GRM8: variants seen among roughly 807,000 people sequenced by gnomAD.
GRM8 encodes the protein glutamate metabotropic receptor 8.
Under a neutral mutation model 87.2 loss-of-function variants are expected in GRM8, and 47 were observed. The observed-to-expected ratio is 0.54, with a 90% CI of 0.43 to 0.69. The LOEUF (loss-of-function observed/expected upper bound fraction) is 0.69, where lower values mean the gene tolerates loss of function less well. Among genes scored for constraint, GRM8 ranks in the 30% least tolerant of loss-of-function variants. The pLI, the probability that GRM8 is intolerant of heterozygous loss-of-function variation, is 0.00. For synonymous variants in GRM8, 396 were observed against 404.5 expected (o/e 0.98, Z 0.25); for missense variants, 1,019 against 1,139.2 (o/e 0.89, Z 1.52).
intron 2 of GRM8, among the ~76,000 whole-genome samples, chr7:127,233,360 C>T (rs555102528): frequency 4.6e-5 from 7 of 152,090 alleles, no homozygotes; most frequent in African/African-American, 1.4e-4. Flanking sequence ...TAATAACAAA[C>T]ATAATATCTA....
At chr7:126,572,937 A>C (rs550298507) in intron 8 of GRM8, among the ~76,000 whole-genome samples, 1 of 152,334 alleles carries the variant, frequency 6.6e-6, no homozygotes, top group African/African-American at 2.4e-5. Flanking sequence ...ATGCATAACC[A>C]CAAACGGTGC....
chr7:126,905,978 T>C (rs1268681532), intron 3 of GRM8, among the ~76,000 whole-genome samples: 1 of 152,168 alleles, frequency 6.6e-6, no homozygotes, highest in Non-Finnish European at 1.5e-5. Flanking sequence ...AGGTCCAACT[T>C]GAGAACGGCT....
chr7:126,674,527 C>T (rs1301855397), intron 7 of GRM8, among the ~76,000 whole-genome samples: 1 of 152,042 alleles, frequency 6.6e-6, no homozygotes, highest in African/African-American at 2.4e-5. Flanking sequence ...ATCTATTATA[C>T]TATAAGAAAT....
intron 6 of GRM8, among the ~76,000 whole-genome samples, chr7:126,782,721 G>C (rs1820214604): frequency 6.6e-6 from 1 of 152,164 alleles, no homozygotes; most frequent in Non-Finnish European, 1.5e-5. Flanking sequence ...TGAAGTTTAT[G>C]ATGCATATCC....
At chr7:126,783,216 GC>G (rs1028944158) in intron 6 of GRM8, among the ~76,000 whole-genome samples, 4 of 152,096 alleles carry the variant, frequency 2.6e-5, no homozygotes, top group African/African-American at 9.7e-5. Context: ...GAAGACTGGG[GC>G]CGGATCTAAC....
chr7:126,882,862 T>A (rs570463699), intron 6 of GRM8, among the ~76,000 whole-genome samples: 2 of 151,954 alleles, frequency 1.3e-5, no homozygotes, highest in Admixed American at 1.3e-4. Flanking sequence ...CATTACTGAG[T>A]TGATTACTCA....
chr7:126,837,966 A>G (rs1795952174), intron 6 of GRM8, among the ~76,000 whole-genome samples: 1 of 152,198 alleles, frequency 6.6e-6, no homozygotes, highest in South Asian at 2.1e-4. Context: ...AAAAAATCTG[A>G]GAAGGAAAAC....
intron 7 of GRM8, among the ~76,000 whole-genome samples, chr7:126,721,110 G>C (rs981241546): frequency 1.3e-5 from 2 of 152,182 alleles, no homozygotes; most frequent in Non-Finnish European, 2.9e-5. Flanking sequence ...TAAAATGTGT[G>C]AACAGAATGT....
intron 2 of GRM8, among the ~76,000 whole-genome samples, chr7:127,200,272 T>G (rs1466241036): frequency 6.6e-6 from 1 of 152,180 alleles, no homozygotes; most frequent in East Asian, 1.9e-4. Context: ...TCCCAGCTTC[T>G]TTAGATTTTT....
At chr7:127,042,762 T>C (rs1429629935) in intron 3 of GRM8, among the ~76,000 whole-genome samples, 2 of 152,084 alleles carry the variant, frequency 1.3e-5, no homozygotes, top group Non-Finnish European at 2.9e-5. Context: ...AATTGACAAA[T>C]GAGATCTAAT....
chr7:127,138,279 T>C (rs1828054601), intron 2 of GRM8, among the ~76,000 whole-genome samples: 1 of 152,110 alleles, frequency 6.6e-6, no homozygotes, highest in South Asian at 2.1e-4. Context: ...GTTAATTTCA[T>C]ATAATTGGGC....
intron 6 of GRM8, among the ~76,000 whole-genome samples, chr7:126,840,001 C>A (rs918038100): frequency 2.6e-5 from 4 of 152,164 alleles, no homozygotes; most frequent in African/African-American, 9.6e-5. Flanking sequence ...TAAATGAAAA[C>A]ATCTGTATGG....
At chr7:126,828,219 G>A (rs1213665796) in intron 6 of GRM8, among the ~76,000 whole-genome samples, 7 of 151,968 alleles carry the variant, frequency 4.6e-5, no homozygotes, top group Non-Finnish European at 7.4e-5. Flanking sequence ...GGATGATGCT[G>A]GCCTCATAAA....
intron 3 of GRM8, among the ~76,000 whole-genome samples, chr7:127,016,832 G>A (rs1815726003): frequency 6.6e-6 from 1 of 151,878 alleles, no homozygotes; most frequent in Non-Finnish European, 1.5e-5. Flanking sequence ...TTTTAAAACT[G>A]GTAGTTTTGA....
At chr7:126,475,103 T>C (rs753044260) in intron 9 of GRM8, among the ~76,000 whole-genome samples, 14 of 152,118 alleles carry the variant, frequency 9.2e-5, no homozygotes, top group Non-Finnish European at 1.8e-4. Context: ...CCATTTCTAT[T>C]CAACATAGTA....
At chr7:126,457,858 A>G (rs1014025216) in intron 9 of GRM8, among the ~76,000 whole-genome samples, 74 of 151,064 alleles carry the variant, frequency 4.9e-4, no homozygotes, top group African/African-American at 1.8e-3. Flanking sequence ...AAAAAAAAAA[A>G]TCTTTGGAAA....
At chr7:126,937,159 T>C (rs1314494322) in intron 3 of GRM8, among the ~76,000 whole-genome samples, 1 of 152,166 alleles carries the variant, frequency 6.6e-6, no homozygotes, top group Non-Finnish European at 1.5e-5. Flanking sequence ...GGCCACACAA[T>C]GGCAGCCAGT....
Position 126,569,116 on chromosome 7 carries a change from CA to C in GRM8, c.1495-35230del, listed in dbSNP as rs548582415. Among the ~76,000 whole-genome samples, 16 of 152,208 alleles carry C rather than the reference CA, an allele frequency of 1.1e-4. No homozygotes were observed. The East Asian group carries it at 3.1e-3, about 29-fold the overall frequency. ...AATTGTTTTCTTTCCATTTATGCCCCAAAGTTTAGCTGCTCCAATGAACACA... is the reference window on the plus strand; with the variant it reads ...AATTGTTTTCTTTCCATTTATGCCCCAAGTTTAGCTGCTCCAATGAACACA... On this transcript the variant is annotated intron_variant, in intron 8 of 10. Transcript: ENST00000339582.
At chr7:127,164,613 G>A (rs1325962298) in intron 2 of GRM8, among the ~76,000 whole-genome samples, 3 of 152,140 alleles carry the variant, frequency 2.0e-5, no homozygotes, top group African/African-American at 7.2e-5. Context: ...ACTTTGGAGA[G>A]TTCCAATCTT....
Sources: gnomAD v4.1 joint callset for allele counts (sites outside exome capture counted in the v4.1 genomes callset) on GRCh38, gnomAD v4.1.1 for gene constraint, MANE v1.5 for transcripts, NCBI Gene and HGNC (gene_info 2026-07-23, HGNC 2026-07-21) for gene names.